BAG6: variants seen among roughly 807,000 people sequenced by gnomAD.
The protein encoded by BAG6 is BAG cochaperone 6, also known as large proline-rich protein BAG6.
In BAG6, 22 loss-of-function variants were observed where a neutral mutation model predicts 121.0. That is an observed-to-expected ratio of 0.18 (90% CI 0.13 to 0.26). BAG6 has a LOEUF of 0.26. BAG6 is among the 10% of genes least tolerant of loss of function. The pLI, the probability that BAG6 is intolerant of heterozygous loss-of-function variation, is 1.00. For missense variants in BAG6, 1,233 were observed against 1,537.7 expected, an observed-to-expected ratio of 0.80 and a Z score of 3.31; for synonymous variants, 583 against 584.6, an observed-to-expected ratio of 1.00 and a Z score of 0.04.
rs116953913 is a variant in BAG6 at position 31,644,495 on chromosome 6, C to T, written c.1447+30G>A. On this transcript the variant is annotated intron_variant, in intron 11 of 25. Coordinates refer to ENST00000676615, the MANE Select transcript of BAG6 (RefSeq NM_001387994.1). This position sits in a 1 kb window ranked among gnomAD's most constrained non-coding sequence, Gnocchi z 4.9. ...AGCCCTTCCCTTTCTCTACCCAGAG[C>T]TCAGCCTGCCCTGATGCCCTCACTC... The T allele has an allele frequency of 6.7e-4, 1,068 of 1,596,058 alleles. 13 individuals carry two copies. The East Asian group carries it at 0.022, about 33-fold the overall frequency.
chr6:31,643,748 C>T (rs900541453), intron 14 of BAG6, 142 bp downstream of exon 14: 1 of 275,366 alleles, frequency 3.6e-6, no homozygotes, highest in African/African-American at 4.5e-5. Context: ...AAAAAAAAAG[C>T]TGAAACCTGA....
In BAG6 at chr6:31,647,531, C is replaced by G. The variant is rs180712068; in HGVS notation, c.788+60G>C. 1.5e-3 allele frequency: 2,407 copies of G among 1,595,378 alleles called. 19 individuals carry two copies. Among genetic ancestry groups the G allele is most frequent in the East Asian group, 8.8e-3 (385 of 43,774 alleles). On this transcript the variant is annotated intron_variant, in intron 7 of 25. Coordinates refer to ENST00000676615, the MANE Select transcript of BAG6 (RefSeq NM_001387994.1). ...TTCCCTCCCTTGCCATGGTTCATTT[C>G]CTTCTCCCCATACTTCACTTAGGAT...
Position 31,642,368 on chromosome 6 carries a change from A to AGGAGGTGGGGGTGGT in BAG6, c.2064_2078dup (p.Pro694_Pro698dup). On this transcript the variant is annotated inframe_insertion, in exon 16 of 26. Transcript: ENST00000676615. Reference sequence around the variant, plus strand: ...GCTCTGGGGCAGGTGGTGGGGGTGGAGGAGGTGGGGGTGGTGGAGGGGCTG... The same window carrying AGGAGGTGGGGGTGGT: ...GCTCTGGGGCAGGTGGTGGGGGTGGAGGAGGTGGGGGTGGTGGAGGTGGGGGTGGTGGAGGGGCTG... 2 of 255,876 alleles carry AGGAGGTGGGGGTGGT rather than the reference A, an allele frequency of 7.8e-6. No individual in the cohort carries two copies. The highest frequency in any genetic ancestry group is 1.4e-5 in the Non-Finnish European group (2 of 146,104). The allele number at this position is 255,876 out of a possible 1,614,324, so 15.9% of individuals were successfully genotyped here. A position where few individuals can be genotyped will look rare whatever the true frequency, so the allele number is the denominator to read the frequency against.
At chr6:31,646,297 T>G in intron 8 of BAG6, 97 bp downstream of exon 8, 1 of 1,517,598 alleles carries the variant, frequency 6.6e-7, no homozygotes, top group Non-Finnish European at 8.9e-7. Context: ...TGTTGCAATG[T>G]TTTTCCAGGG....
At position 31,644,134 on chromosome 6, in the gene BAG6, G is replaced by A. The variant is rs1462306366; in HGVS notation, c.1616C>T (p.Pro539Leu). The change falls in exon 13 of 26, where the codon CCT (proline) becomes CTT (leucine). Residue 539 changes from proline to leucine, a missense_variant. Transcript: ENST00000676615. The surrounding 1 kb of genome is among the most constrained non-coding windows in gnomAD (Gnocchi z 4.9). ...PTRVVIARPTPPQARPSHPGG... is the reference protein window; with the variant it reads ...PTRVVIARPTLPQARPSHPGG... ...AGGATGGGAAGGCCGAGCCTGTGGA[G>A]GAGTGGGCCGGGCAATCACCACCCG... 1.2e-6 allele frequency: 2 copies of A among 1,614,012 alleles called. No individual in the cohort carries two copies. The highest frequency in any genetic ancestry group is 1.7e-6 in the Non-Finnish European group (2 of 1,180,004).
intron 5 of BAG6, 58 bp from the exon 6 acceptor site, chr6:31,648,809 C>T (rs1407810306): frequency 3.1e-6 from 5 of 1,604,326 alleles, no homozygotes; most frequent in Non-Finnish European, 1.7e-6. Context: ...AGTTCTACCA[C>T]CTACTAAATC....
At chr6:31,648,640 G>C in intron 6 of BAG6, 37 bp downstream of exon 6, 19 of 1,599,964 alleles carry the variant, frequency 1.2e-5, no homozygotes, top group Non-Finnish European at 1.6e-5. Flanking sequence ...GGGAGAGGGA[G>C]GGTGGAGAGA....
In BAG6 at chr6:31,644,451, C is replaced by A. The variant is rs1276767953; in HGVS notation, c.1448-37G>T. ...GTCTGATGTAACCTTGAACCTGGAC[C>A]CCTTCAACCCACCCACTCAGCCCTT... On this transcript the variant is annotated intron_variant, in intron 11 of 25. Transcript: ENST00000676615. The surrounding 1 kb of genome is among the most constrained non-coding windows in gnomAD (Gnocchi z 4.9). The A allele has an allele frequency of 1.3e-6, 2 of 1,554,734 alleles. No homozygotes were observed. Among genetic ancestry groups the A allele is most frequent in the Non-Finnish European group, 1.7e-6 (2 of 1,148,106 alleles).
intron 8 of BAG6, 31 bp downstream of exon 8, chr6:31,646,363 G>C: frequency 6.2e-7 from 1 of 1,606,790 alleles, no homozygotes. Flanking sequence ...CTGGGGCTGA[G>C]GAGAAAGGGC....
intron 2 of BAG6, 127 bp downstream of exon 2, chr6:31,651,529 A>T: frequency 2.6e-6 from 2 of 757,274 alleles, no homozygotes; most frequent in Non-Finnish European, 4.4e-6. Context: ...ACAGGGCGTG[A>T]CTCCATCTCA....
chr6:31,648,785 C>T lies in BAG6; in HGVS notation c.478-34G>A, dbSNP rs760084803. 4 of 1,612,544 alleles carry T rather than the reference C, an allele frequency of 2.5e-6. No individual in the cohort carries two copies. The South Asian group carries it at 3.3e-5, about 13-fold the overall frequency. On this transcript the variant is annotated intron_variant, in intron 5 of 25. Coordinates refer to ENST00000676615, the MANE Select transcript of BAG6 (RefSeq NM_001387994.1). Reference sequence around the variant, plus strand: ...AGAGAAGGTTTATCAGGGTAGGTTACAGATGAAGCCATGAGTTCTACCACC... The same window carrying T: ...AGAGAAGGTTTATCAGGGTAGGTTATAGATGAAGCCATGAGTTCTACCACC...
intron 8 of BAG6, 43 bp from the exon 9 acceptor site, chr6:31,645,647 G>A: frequency 6.3e-7 from 1 of 1,599,104 alleles, no homozygotes; most frequent in Non-Finnish European, 8.5e-7. Context: ...AAAATATCAA[G>A]CTGGAGTCCA....
In BAG6 at chr6:31,641,439, C is replaced by T; in HGVS notation, c.2560-17G>A. ...CACCAAGGACTGAGAGACAAGATAA[C>T]ACAAAGATCCCAAAATCAAGAATCA... On this transcript the variant is annotated splice_polypyrimidine_tract_variant and intron_variant, in intron 18 of 25. Transcript: ENST00000676615. This position sits in a 1 kb window ranked among gnomAD's most constrained non-coding sequence, Gnocchi z 5.7. 1.2e-6 allele frequency: 2 copies of T among 1,614,092 alleles called. No individual in the cohort carries two copies. The highest frequency in any genetic ancestry group is 1.7e-6 in the Non-Finnish European group (2 of 1,180,008).
chr6:31,642,099 C>G lies in BAG6; in HGVS notation c.2335+13G>C. 6.2e-7 allele frequency: 1 copy of G among 1,608,778 alleles called. No homozygotes were observed. Among genetic ancestry groups the G allele is most frequent in the Non-Finnish European group, 8.5e-7 (1 of 1,176,818 alleles). On this transcript the variant is annotated intron_variant, in intron 16 of 25. Transcript: ENST00000676615. ...CCCTTCCTGGAGCAAGCCAAAGCAT[C>G]CTTTTTGCTCACCAAGGGCCCCATC...
chr6:31,652,151 ACT>A (rs1797625102), intron 1 of BAG6: 4 of 192,732 alleles, frequency 2.1e-5, no homozygotes, highest in South Asian at 1.1e-4. Flanking sequence ...GTCGCCCCAC[ACT>A]CTGCGGAGAA....
chr6:31,640,934 C>A lies in BAG6; in HGVS notation c.2792G>T (p.Arg931Leu), dbSNP rs747689534. 6.2e-7 allele frequency: 1 copy of A among 1,612,388 alleles called. No individual in the cohort carries two copies. Among genetic ancestry groups the A allele is most frequent in the East Asian group, 2.2e-5 (1 of 44,888 alleles). ...GGAGGGATTCACCCCACGAGACATA[C>A]GACGCTGAGGGACAGAAAGCAGATT... ...LAAVINGRIR[R>L]MSRGVNPSLV... Residue 931 changes from arginine (R) to leucine (L), a missense_variant, in exon 21 of 26, where the codon CGT becomes CTT. Transcript: ENST00000676615. This position sits in a 1 kb window ranked among gnomAD's most constrained non-coding sequence, Gnocchi z 4.2.
Position 31,641,616 on chromosome 6 carries a change from T to C in BAG6, c.2506-24A>G. Reference sequence around the variant, plus strand: ...ATCTGTGGAGGAAACAGAACAGGTTTAGTTCAAAGCCTCAGTCCTCCCAAG... The same window carrying C: ...ATCTGTGGAGGAAACAGAACAGGTTCAGTTCAAAGCCTCAGTCCTCCCAAG... On this transcript the variant is annotated intron_variant, in intron 17 of 25. Coordinates refer to ENST00000676615, the MANE Select transcript of BAG6 (RefSeq NM_001387994.1). The surrounding 1 kb of genome is among the most constrained non-coding windows in gnomAD (Gnocchi z 5.7). 1 of 1,614,028 alleles carries C rather than the reference T, an allele frequency of 6.2e-7. No homozygotes were observed. The highest frequency in any genetic ancestry group is 8.5e-7 in the Non-Finnish European group (1 of 1,179,906).
In BAG6 at chr6:31,643,949, G is replaced by A. The variant is rs752155795; in HGVS notation, c.1697C>T (p.Ser566Leu). 15 of 1,613,878 alleles carry A rather than the reference G, an allele frequency of 9.3e-6. No individual in the cohort carries two copies. The highest frequency in any genetic ancestry group is 3.3e-5 in the Admixed American group (2 of 60,006). ...AAGGCCGCTCACCATCTGGGCCAAC[G>A]AGGCATTGGTACCCAGACCGGCGCC... The part of the protein sequence containing the change: ...LQGAGLGTNA[S>L]LAQMVSGLVG... The change falls in exon 14 of 26, where the codon TCG (serine) becomes TTG (leucine). Residue 566 changes from serine (S) to leucine (L), a missense_variant. Coordinates refer to ENST00000676615, the MANE Select transcript of BAG6 (RefSeq NM_001387994.1).
At position 31,639,610 on chromosome 6, in the gene BAG6, C is replaced by G; in HGVS notation, c.3283G>C (p.Glu1095Gln). 6.2e-7 allele frequency: 1 copy of G among 1,613,646 alleles called. No individual in the cohort carries two copies. Among genetic ancestry groups the G allele is most frequent in the Non-Finnish European group, 8.5e-7 (1 of 1,179,700 alleles). Residue 1095 changes from glutamate (E) to glutamine (Q), a missense_variant, in exon 25 of 26, where the codon GAG becomes CAG. Coordinates refer to ENST00000676615, the MANE Select transcript of BAG6 (RefSeq NM_001387994.1). Reference sequence around the variant, plus strand: ...GCCTTAGCTGCCCGGCTCACAGCCTCTGAGAGAAGCAGCTGGGGGCCCTCA... The same window carrying G: ...GCCTTAGCTGCCCGGCTCACAGCCTGTGAGAGAAGCAGCTGGGGGCCCTCA... Reference protein sequence around the residue: ...QGEGPQLLLSEAVSRAAKAAG... With the variant: ...QGEGPQLLLSQAVSRAAKAAG...
Sources: allele counts gnomAD v4.1 joint callset, GRCh38; gene constraint gnomAD v4.1.1; non-coding constraint Gnocchi (gnomAD v3.1); transcripts MANE v1.5; gene names NCBI Gene and HGNC (gene_info 2026-07-23, HGNC 2026-07-21).